The following IGLL5 variants were observed in gnomAD, a reference collection of about 807,000 sequenced individuals.
IGLL5 encodes the protein immunoglobulin lambda like polypeptide 5, also known as immunoglobulin lambda-like polypeptide 5.
A neutral mutation model predicts 20.9 loss-of-function variants in IGLL5; 30 were observed. That is an observed-to-expected ratio of 1.44 (90% CI 1.07 to 1.95). The LOEUF is 1.95. IGLL5 is among the 30% of genes most tolerant of loss of function. The probability of loss-of-function intolerance (pLI) is 0.00; values close to 1 mark genes in which losing one functional copy is unlikely to be tolerated. For missense variants in IGLL5, 475 were observed against 270.7 expected, an observed-to-expected ratio of 1.75 and a Z score of -5.30; for synonymous variants, 203 against 117.3, an observed-to-expected ratio of 1.73 and a Z score of -4.72.
rs769020352 is a variant in IGLL5 at position 22,888,197 on chromosome 22, G to A, written c.144G>A (p.Gly48=). 3.9e-6 allele frequency: 6 copies of A among 1,548,780 alleles called. No individual in the cohort carries two copies. Among genetic ancestry groups the A allele is most frequent in the Admixed American group, 3.9e-5 (2 of 50,798 alleles). Residue 48 remains glycine (G), a synonymous_variant, in exon 1 of 3, where the codon GGG becomes GGA. Coordinates refer to ENST00000526893, the MANE Select transcript of IGLL5 (RefSeq NM_001178126.2). ...GCCCAATGGTTGCACCGCAAAGCGG[G>A]GACCCAGACCCTGGAGCCTCAGTTG... ...LLRPMVAPQS[G]DPDPGASVGS... is the part of the protein sequence containing the mutation.
In IGLL5 at chr22:22,895,760, C is replaced by A; in HGVS notation, c.*66C>A. The A allele has an allele frequency of 6.7e-7, 1 of 1,483,448 alleles. No individual in the cohort carries two copies. Among genetic ancestry groups the A allele is most frequent in the Middle Eastern group, 1.8e-4 (1 of 5,448 alleles). 91.9% of individuals were successfully genotyped at this position (1,483,448 alleles called of 1,614,324 possible). ...AGGATCCCAGGGGAGGGGTCTCTCT[C>A]CCCATCCCAAGTCATCCAGCCCTTC... On this transcript the variant is annotated 3_prime_UTR_variant, in exon 3 of 3. Coordinates refer to ENST00000526893, the MANE Select transcript of IGLL5 (RefSeq NM_001178126.2).
At position 22,887,949 on chromosome 22, in the gene IGLL5, TG is replaced by T. The variant is rs2067554499; in HGVS notation, c.-101del. The T allele has an allele frequency of 1.1e-6, 1 of 882,448 alleles. No individual in the cohort carries two copies. Among genetic ancestry groups the T allele is most frequent in the Non-Finnish European group, 1.9e-6 (1 of 539,592 alleles). The allele number at this position is 882,448 out of a possible 1,614,324, so 54.7% of individuals were successfully genotyped here. On this transcript the variant is annotated 5_prime_UTR_variant, in exon 1 of 3. It removes the in-frame stop codon of an upstream open reading frame in the 5' UTR. Transcript: ENST00000526893. ...CAGGGAGAGGACAGAGCCAATGGACTGGGGTGTACTGTAACAGCCCTGCTGG... is the reference window on the plus strand; with the variant it reads ...CAGGGAGAGGACAGAGCCAATGGACTGGGTGTACTGTAACAGCCCTGCTGG...
At position 22,893,911 on chromosome 22, in the gene IGLL5, T is replaced by TC. The variant is rs550174048; in HGVS notation, c.325+96dup. The TC allele has an allele frequency of 2.9e-4, 258 of 894,558 alleles. 1 individual carries two copies. In the African/African-American group the frequency reaches 3.9e-3, roughly 13 times the overall value. The allele number at this position is 894,558 out of a possible 1,614,324, so 55.4% of individuals were successfully genotyped here. A position where few individuals can be genotyped will look rare whatever the true frequency, so the allele number is the denominator to read the frequency against. On this transcript the variant is annotated intron_variant, in intron 2 of 2. Transcript: ENST00000526893. ...CTCTGGGGCTTCCTCCCCTCTGTCC[T>TC]CCCAGCCTTAAGCACTGACCCTTAC...
intron 1 of IGLL5, among the ~76,000 whole-genome samples, chr22:22,888,749 A>C (rs563216810): frequency 6.6e-6 from 1 of 151,396 alleles, no homozygotes; most frequent in African/African-American, 2.4e-5. Context: ...CAACTTGCAC[A>C]TAAATGCTTA....
At chr22:22,888,770 G>C (rs181160297) in intron 1 of IGLL5, among the ~76,000 whole-genome samples, 6 of 151,384 alleles carry the variant, frequency 4.0e-5, no homozygotes, top group South Asian at 2.1e-4. Context: ...CTGGGGCCAG[G>C]CTCAAGGACA....
chr22:22,894,023 C>G (rs2067969399), intron 2 of IGLL5, among the ~76,000 whole-genome samples: 2 of 151,588 alleles, frequency 1.3e-5, no homozygotes, highest in African/African-American at 2.4e-5. Context: ...CGGATGCAGC[C>G]TGGTCCCGGG....
chr22:22,889,451 T>C (rs140905737), intron 1 of IGLL5, among the ~76,000 whole-genome samples: 1 of 151,160 alleles, frequency 6.6e-6, no homozygotes, highest in East Asian at 2.0e-4. Context: ...AAGGGTTGGT[T>C]GGGGGAATAA....
intron 2 of IGLL5, among the ~76,000 whole-genome samples, chr22:22,894,885 C>T (rs2066705313): frequency 3.3e-5 from 5 of 151,378 alleles, no homozygotes; most frequent in Admixed American, 6.6e-5. Flanking sequence ...GGATAGGAAG[C>T]TCCAGTTCAA....
intron 1 of IGLL5, 47 bp from the exon 2 acceptor site, chr22:22,893,653 G>T (rs753501988): frequency 1.6e-6 from 2 of 1,264,130 alleles, no homozygotes; most frequent in South Asian, 1.3e-5. Flanking sequence ...CTCATGTCTA[G>T]GTCCCAGCCC....
chr22:22,891,264 T>C (rs1437879708), intron 1 of IGLL5, among the ~76,000 whole-genome samples: 2 of 151,246 alleles, frequency 1.3e-5, no homozygotes, highest in Non-Finnish European at 2.9e-5. Context: ...AGTTTATTTT[T>C]GTGGATGTAG....
At chr22:22,888,848 A>G (rs558581477) in intron 1 of IGLL5, among the ~76,000 whole-genome samples, 4 of 151,322 alleles carry the variant, frequency 2.6e-5, no homozygotes, top group South Asian at 4.2e-4. Flanking sequence ...CCATGTTTGG[A>G]GCAATAAAGG....
At chr22:22,893,546 A>G in intron 1 of IGLL5, 154 bp from the exon 2 acceptor site, 1 of 602,006 alleles carries the variant, frequency 1.7e-6, no homozygotes, top group African/African-American at 1.9e-5. Flanking sequence ...CAGAGAGGAA[A>G]GACACACACT....
chr22:22,888,185 A>ACCGCAAAGCGGGGAC lies in IGLL5; in HGVS notation c.135_149dup (p.Gln46_Pro50dup). The ACCGCAAAGCGGGGAC allele has an allele frequency of 6.5e-7, 1 of 1,548,800 alleles. No homozygotes were observed. Among genetic ancestry groups the ACCGCAAAGCGGGGAC allele is most frequent in the African/African-American group, 1.4e-5 (1 of 72,854 alleles). Reference sequence around the variant, plus strand: ...ATGGCCTGCTGCGCCCAATGGTTGCACCGCAAAGCGGGGACCCAGACCCTG... The same window carrying ACCGCAAAGCGGGGAC: ...ATGGCCTGCTGCGCCCAATGGTTGCACCGCAAAGCGGGGACCCGCAAAGCGGGGACCCAGACCCTG... On this transcript the variant is annotated inframe_insertion, in exon 1 of 3. Transcript: ENST00000526893.
At chr22:22,894,582 A>G (rs542436199) in intron 2 of IGLL5, among the ~76,000 whole-genome samples, 3 of 151,432 alleles carry the variant, frequency 2.0e-5, no homozygotes, top group South Asian at 2.1e-4. Context: ...AGGGCATGTT[A>G]GACTCAGGAA....
At chr22:22,888,697 A>T (rs549492276) in intron 1 of IGLL5, among the ~76,000 whole-genome samples, 1 of 151,304 alleles carries the variant, frequency 6.6e-6, no homozygotes, top group Non-Finnish European at 1.5e-5. Context: ...TGGAGAAGGC[A>T]GCAAGGGCTT....
chr22:22,890,553 TTGTGTG>T (rs3029157), intron 1 of IGLL5, among the ~76,000 whole-genome samples: 7,421 of 120,844 alleles, frequency 0.061, 204 homozygotes, highest in Middle Eastern at 0.1. Flanking sequence ...CAGTGGAAAT[TTGTGTG>T]TGTGTGTGTG....
intron 1 of IGLL5, among the ~76,000 whole-genome samples, chr22:22,889,202 C>T (rs540125833): frequency 1.3e-5 from 2 of 151,010 alleles, no homozygotes; most frequent in East Asian, 2.0e-4. Flanking sequence ...GGTGGGGATC[C>T]TGGAGGAAGC....
intron 1 of IGLL5, among the ~76,000 whole-genome samples, chr22:22,888,565 G>A (rs2067616181): frequency 4.0e-5 from 6 of 151,362 alleles, no homozygotes; most frequent in South Asian, 4.2e-4. Flanking sequence ...AGGAACAGAG[G>A]CAGGGACAGG....
chr22:22,895,294 G>A, intron 2 of IGLL5, 81 bp from the exon 3 acceptor site: 1 of 1,342,780 alleles, frequency 7.4e-7, no homozygotes, highest in South Asian at 1.2e-5. Flanking sequence ...AACCCTCCCA[G>A]AGACTTTAGA....
Sources: gnomAD v4.1 joint callset for allele counts (sites outside exome capture counted in the v4.1 genomes callset) on GRCh38, gnomAD v4.1.1 for gene constraint, MANE v1.5 for transcripts, NCBI Gene and HGNC (gene_info 2026-07-23, HGNC 2026-07-21) for gene names.